CSMD2: variants seen among roughly 807,000 people sequenced by gnomAD.
The protein encoded by CSMD2 is CUB and Sushi multiple domains 2.
CSMD2 carries 130 observed loss-of-function variants against 398.5 expected under a neutral mutation model. That is an observed-to-expected ratio of 0.33 (90% CI 0.28 to 0.38). CSMD2 has a LOEUF of 0.38. Ranked by LOEUF, CSMD2 falls within the 10% of genes least tolerant of loss-of-function variation. The probability of loss-of-function intolerance (pLI) is 1.00; values close to 1 mark genes in which losing one functional copy is unlikely to be tolerated. For synonymous variants in CSMD2, 1,828 were observed against 1,908.5 expected (o/e 0.96, Z 1.10); for missense variants, 3,829 against 4,764.9 (o/e 0.80, Z 5.78).
At chr1:34,044,287 A>T (rs567601508) in intron 2 of CSMD2, among the ~76,000 whole-genome samples, 15 of 152,320 alleles carry the variant, frequency 9.8e-5, no homozygotes, top group Non-Finnish European at 2.2e-4. Flanking sequence ...TAAATAAAGC[A>T]GGGATTTTTC....
chr1:33,553,304 T>C (rs887838014), intron 55 of CSMD2, among the ~76,000 whole-genome samples: 1 of 152,254 alleles, frequency 6.6e-6, no homozygotes, highest in Admixed American at 6.5e-5. Flanking sequence ...GTTTTCATTA[T>C]TGTTACATCT....
chr1:34,037,040 T>C (rs193103138), intron 2 of CSMD2, among the ~76,000 whole-genome samples: 2 of 152,312 alleles, frequency 1.3e-5, no homozygotes, highest in Admixed American at 1.3e-4. Context: ...TGCAGAGATC[T>C]ACCTGCCTTG....
Position 33,537,328 on chromosome 1 carries a change from T to C in CSMD2, c.9805+108A>G. Reference sequence around the variant, plus strand: ...GCTCAGAGGATGAGATGTTCCCTTTTGCAGATGAGACCACTGAAGACAGGG... The same window carrying C: ...GCTCAGAGGATGAGATGTTCCCTTTCGCAGATGAGACCACTGAAGACAGGG... On this transcript the variant is annotated intron_variant, in intron 61 of 70. Transcript: ENST00000373381. The surrounding 1 kb of genome is among the most constrained non-coding windows in gnomAD (Gnocchi z 4.6). 1 of 1,272,756 alleles carries C rather than the reference T, an allele frequency of 7.9e-7. No homozygotes were observed. Among genetic ancestry groups the C allele is most frequent in the East Asian group, 2.3e-5 (1 of 43,064 alleles). The allele number at this position is 1,272,756 out of a possible 1,614,324, so 78.8% of individuals were successfully genotyped here. A position where few individuals can be genotyped will look rare whatever the true frequency, so the allele number is the denominator to read the frequency against.
chr1:33,715,083 T>C (rs1646124994), intron 20 of CSMD2, among the ~76,000 whole-genome samples: 1 of 152,042 alleles, frequency 6.6e-6, no homozygotes, highest in South Asian at 2.1e-4. Flanking sequence ...GGCACAGCCT[T>C]TCCTAGACAG....
intron 5 of CSMD2, among the ~76,000 whole-genome samples, chr1:33,885,821 C>T (rs11804365): frequency 0.07 from 10,598 of 152,172 alleles, 467 homozygotes; most frequent in Middle Eastern, 0.13. Flanking sequence ...GAAATTGGGA[C>T]TGGTGAGTGG....
In CSMD2 at chr1:33,697,967, G is replaced by A. The variant is rs561458915; in HGVS notation, c.3925+786C>T. Among the ~76,000 whole-genome samples, 26 of 152,320 alleles carry A rather than the reference G, an allele frequency of 1.7e-4. 1 individual carries two copies. The South Asian group carries it at 3.7e-3, about 22-fold the overall frequency. ...GATTAGCCAGTGCTGGCACAGACAC[G>A]TTGAGGTTGTGGGACATGGGGAAGG... On this transcript the variant is annotated intron_variant, in intron 24 of 70. Coordinates refer to ENST00000373381, the MANE Select transcript of CSMD2 (RefSeq NM_001281956.2).
chr1:33,901,109 C>T (rs1347585649), intron 5 of CSMD2, among the ~76,000 whole-genome samples: 1 of 152,226 alleles, frequency 6.6e-6, no homozygotes, highest in Non-Finnish European at 1.5e-5. Context: ...CAATACCTAA[C>T]TCAAACTTGG....
At chr1:33,961,070 C>T (rs1421715563) in intron 3 of CSMD2, among the ~76,000 whole-genome samples, 1 of 152,252 alleles carries the variant, frequency 6.6e-6, no homozygotes, top group Non-Finnish European at 1.5e-5. Context: ...CGCTACAGCG[C>T]ATCAGCCCCC....
Position 33,926,483 on chromosome 1 carries a change from C to A in CSMD2, c.713-8182G>T, listed in dbSNP as rs530473636. ...CTACCAGTCTCCTCTGAAGGCGGCA[C>A]CTTTACCATTTTAGCCATCCCTGCC... On this transcript the variant is annotated intron_variant, in intron 4 of 70. Transcript: ENST00000373381. Among the ~76,000 whole-genome samples the A allele has an allele frequency of 4.6e-5, 7 of 152,288 alleles. No individual in the cohort carries two copies. The South Asian group carries it at 1.5e-3, about 32-fold the overall frequency.
In CSMD2 at chr1:33,519,759, G is replaced by C; in HGVS notation, c.10736+53C>G. 6.2e-7 allele frequency: 1 copy of C among 1,612,666 alleles called. No individual in the cohort carries two copies. The highest frequency in any genetic ancestry group is 8.5e-7 in the Non-Finnish European group (1 of 1,178,878). ...GGGGTCTGGTGCGGGGGGCCCTGGA[G>C]GGAGAGAGGGAGGCCTGCCTGATGC... On this transcript the variant is annotated intron_variant, in intron 69 of 70. Transcript: ENST00000373381. The surrounding 1 kb of genome is among the most constrained non-coding windows in gnomAD (Gnocchi z 5.6).
At chr1:34,142,738 C>T (rs957702145) in intron 1 of CSMD2, among the ~76,000 whole-genome samples, 2 of 152,182 alleles carry the variant, frequency 1.3e-5, no homozygotes, top group Non-Finnish European at 2.9e-5. Flanking sequence ...GATTGAACCT[C>T]GATCTGCCCC....
chr1:33,636,673 T>G lies in CSMD2; in HGVS notation c.4775-119A>C, dbSNP rs750343062. On this transcript the variant is annotated intron_variant, in intron 29 of 70. Coordinates refer to ENST00000373381, the MANE Select transcript of CSMD2 (RefSeq NM_001281956.2). This position sits in a 1 kb window ranked among gnomAD's most constrained non-coding sequence, Gnocchi z 4.8. The stretch of plus-strand genomic sequence containing the variant: ...TAATTAGCCACAGAGCACACGGGGA[T>G]GCGTGACTGTGGCTCCTATTCCCCT... The G allele has an allele frequency of 8.1e-5, 59 of 730,528 alleles. No individual in the cohort carries two copies. Among genetic ancestry groups the G allele is most frequent in the Non-Finnish European group, 1.2e-4 (53 of 436,240 alleles). 45.3% of individuals were successfully genotyped at this position (730,528 alleles called of 1,614,324 possible). A position where few individuals can be genotyped will look rare whatever the true frequency, so the allele number is the denominator to read the frequency against.
chr1:33,907,372 C>T (rs1390864592), intron 5 of CSMD2, among the ~76,000 whole-genome samples: 2 of 151,878 alleles, frequency 1.3e-5, no homozygotes, highest in African/African-American at 4.8e-5. Flanking sequence ...CGTGATCCGC[C>T]CACCTCGGCC....
intron 2 of CSMD2, among the ~76,000 whole-genome samples, chr1:34,061,397 G>A (rs890184871): frequency 2.0e-5 from 3 of 152,106 alleles, no homozygotes; most frequent in African/African-American, 2.4e-5. Flanking sequence ...CGGCTGGAGC[G>A]GCTGGGACAC....
chr1:33,684,751 A>G (rs1043934238), intron 25 of CSMD2, among the ~76,000 whole-genome samples: 2 of 152,182 alleles, frequency 1.3e-5, no homozygotes, highest in African/African-American at 4.8e-5. Flanking sequence ...GTGAGCTCCT[A>G]CTGTTCTTTA....
At chr1:33,643,449 T>C (rs1380978308) in intron 29 of CSMD2, among the ~76,000 whole-genome samples, 5 of 152,162 alleles carry the variant, frequency 3.3e-5, no homozygotes. Context: ...GCAATACCAG[T>C]GACGTAGGAA....
intron 3 of CSMD2, among the ~76,000 whole-genome samples, chr1:33,948,374 G>C (rs1408337349): frequency 6.6e-6 from 1 of 152,054 alleles, no homozygotes; most frequent in Non-Finnish European, 1.5e-5. Context: ...AGAAACACAG[G>C]CATACTAACA....
chr1:33,628,348 A>C (rs913372554), intron 32 of CSMD2, among the ~76,000 whole-genome samples: 6 of 152,178 alleles, frequency 3.9e-5, no homozygotes, highest in African/African-American at 1.4e-4. Flanking sequence ...TTTCAGAAAG[A>C]GAAGACAGAG....
chr1:33,908,668 T>C (rs1390886161), intron 5 of CSMD2, among the ~76,000 whole-genome samples: 1 of 152,252 alleles, frequency 6.6e-6, no homozygotes, highest in East Asian at 1.9e-4. Context: ...GTGACTTTTG[T>C]TCTCTTTTTG....
Sources: allele counts gnomAD v4.1 joint callset (sites outside exome capture counted in the v4.1 genomes callset), GRCh38; gene constraint gnomAD v4.1.1; non-coding constraint Gnocchi (gnomAD v3.1); transcripts MANE v1.5; gene names NCBI Gene and HGNC (gene_info 2026-07-23, HGNC 2026-07-21).